Variants in NOX4 observed in about 807,000 individuals in gnomAD.
NOX4 encodes the protein NADPH oxidase 4.
NOX4 carries 69 observed loss-of-function variants against 87.6 expected under a neutral mutation model. The observed-to-expected ratio is 0.79, with a 90% CI of 0.65 to 0.96. The LOEUF is 0.96. Among genes scored for constraint, NOX4 ranks in the 40% least tolerant of loss-of-function variants. The probability of loss-of-function intolerance (pLI) is 0.00; values close to 1 mark genes in which losing one functional copy is unlikely to be tolerated. For missense variants in NOX4, 680 were observed against 681.5 expected (o/e 1.00, Z 0.02); for synonymous variants, 275 against 238.2 (o/e 1.15, Z -1.42).
chr11:89,396,685 C>T (rs1224408158), intron 11 of NOX4, among the ~76,000 whole-genome samples: 2 of 152,066 alleles, frequency 1.3e-5, no homozygotes, highest in Non-Finnish European at 2.9e-5. Flanking sequence ...TCTGATAAAA[C>T]AGACTTTAAA....
chr11:89,348,411 T>C (rs1565183837), intron 13 of NOX4, among the ~76,000 whole-genome samples: 1 of 148,458 alleles, frequency 6.7e-6, no homozygotes, highest in Admixed American at 6.9e-5. Flanking sequence ...TAAGACTCCA[T>C]CTCAAAAAAA....
the NOX4 span, among the ~76,000 whole-genome samples, chr11:89,540,381 G>A: frequency 6.6e-6 from 1 of 151,950 alleles, no homozygotes; most frequent in East Asian, 1.9e-4. Flanking sequence ...TTACAGCTAA[G>A]TAGTTTTTCA....
the NOX4 span, among the ~76,000 whole-genome samples, chr11:89,530,467 C>T: frequency 8.6e-5 from 13 of 151,300 alleles, no homozygotes; most frequent in East Asian, 9.7e-4. Context: ...CTCAGCCTCC[C>T]GAGTAGCTGG....
the NOX4 span, among the ~76,000 whole-genome samples, chr11:89,520,864 T>G: frequency 6.6e-6 from 1 of 152,168 alleles, no homozygotes; most frequent in African/African-American, 2.4e-5. Flanking sequence ...ACAAAATCAA[T>G]GTACAAAAAT....
At chr11:89,565,884 AT>A in the NOX4 span, among the ~76,000 whole-genome samples, 1 of 151,970 alleles carries the variant, frequency 6.6e-6, no homozygotes, top group Non-Finnish European at 1.5e-5. Context: ...ACATTAATTG[AT>A]TTTTCATTAT....
intron 3 of NOX4, among the ~76,000 whole-genome samples, chr11:89,450,635 A>G (rs1010034440): frequency 1.3e-5 from 2 of 151,846 alleles, no homozygotes; most frequent in African/African-American, 4.8e-5. Context: ...GGTTAGTTAC[A>G]TATGTATACA....
At position 89,369,744 on chromosome 11, in the gene NOX4, ATTTGTTTG is replaced by A. The variant is rs71893993; in HGVS notation, c.1135+3680_1135+3687del. Among the ~76,000 whole-genome samples, 366 of 150,072 alleles carry A rather than the reference ATTTGTTTG, an allele frequency of 2.4e-3. 3 individuals are homozygous for A. Among genetic ancestry groups the A allele is most frequent in the African/African-American group, 7.5e-3 (305 of 40,738 alleles). ...ATATCCAAATATGATTTATTTATTT[ATTTGTTTG>A]TTTGTTTGTTTGTTTATTTATTTAT... On this transcript the variant is annotated intron_variant, in intron 12 of 17. Transcript: ENST00000263317.
chr11:89,440,341 G>A lies in NOX4; in HGVS notation c.475+347C>T, dbSNP rs560007174. ...TTATTTTTATTTTTATTTTTTAGAC[G>A]GAGTCTTACTCTGTCACGCCCAGGC... On this transcript the variant is annotated intron_variant, in intron 6 of 17. Coordinates refer to ENST00000263317, the MANE Select transcript of NOX4 (RefSeq NM_016931.5). 5.9e-5 allele frequency among the ~76,000 whole-genome samples: 9 copies of A among 151,634 alleles called. No individual in the cohort carries two copies. The East Asian group carries it at 1.2e-3, about 20-fold the overall frequency.
the NOX4 span, among the ~76,000 whole-genome samples, chr11:89,579,474 A>T: frequency 6.6e-6 from 1 of 152,162 alleles, no homozygotes; most frequent in South Asian, 2.1e-4. Flanking sequence ...CTGCTTTAAA[A>T]AAAAAAGTCT....
intron 7 of NOX4, among the ~76,000 whole-genome samples, chr11:89,423,792 T>C (rs1943218546): frequency 6.6e-6 from 1 of 152,032 alleles, no homozygotes; most frequent in Non-Finnish European, 1.5e-5. Flanking sequence ...TGGTGGCTAA[T>C]GCCTGTAATC....
At chr11:89,395,091 A>C (rs1941383632) in intron 11 of NOX4, among the ~76,000 whole-genome samples, 1 of 152,150 alleles carries the variant, frequency 6.6e-6, no homozygotes, top group Admixed American at 6.6e-5. Flanking sequence ...GTCTCCCACA[A>C]TGGTTGAACT....
At position 89,487,571 on chromosome 11, in the gene NOX4, T is replaced by C. The variant is rs371186521; in HGVS notation, c.153+2887A>G. 1.2e-4 allele frequency among the ~76,000 whole-genome samples: 19 copies of C among 152,292 alleles called. 1 individual carries two copies. The highest frequency in any genetic ancestry group is 3.9e-4 in the Admixed American group (6 of 15,304). On this transcript the variant is annotated intron_variant, in intron 2 of 17. Transcript: ENST00000263317. ...TTGCATTTTAAATGGTACAATGAAA[T>C]ACATTTCCAGAAATAACATCATGAT... is the stretch of plus-strand genomic sequence containing the variant.
At chr11:89,577,716 C>T in the NOX4 span, 1 of 152,102 alleles carries the variant, frequency 6.6e-6, no homozygotes, top group African/African-American at 2.4e-5. Context: ...CTAGACGTCA[C>T]CAGCTATGTC....
At position 89,438,820 on chromosome 11, in the gene NOX4, ATATAATATCTTATATAT is replaced by A. The variant is rs1944273536; in HGVS notation, c.475+1851_475+1867del. On this transcript the variant is annotated intron_variant, in intron 6 of 17. Coordinates refer to ENST00000263317, the MANE Select transcript of NOX4 (RefSeq NM_016931.5). ...TAATATATTATATATTATATATATT[ATATAATATCTTATATAT>A]TATATATATTATATAATATATTATA... is the stretch of plus-strand genomic sequence containing the variant. Among the ~76,000 whole-genome samples, 30 of 48,498 alleles carry A rather than the reference ATATAATATCTTATATAT, an allele frequency of 6.2e-4. 1 individual carries two copies. The highest frequency in any genetic ancestry group is 4.2e-3 in the African/African-American group (20 of 4,738). 31.8% of individuals were successfully genotyped at this position (48,498 alleles called of 152,430 possible).
intron 6 of NOX4, among the ~76,000 whole-genome samples, chr11:89,437,704 C>G (rs1176025995): frequency 1.3e-5 from 2 of 152,050 alleles, no homozygotes; most frequent in African/African-American, 4.8e-5. Context: ...CTTCCCAACC[C>G]AAGAGAAGCT....
chr11:89,492,272 A>G (rs1281243399), upstream of NOX4: 4 of 152,316 alleles, frequency 2.6e-5, no homozygotes, highest in Admixed American at 6.5e-5. Flanking sequence ...ATTCATGTAG[A>G]AAAAAATCTG....
At chr11:89,355,129 A>C in intron 12 of NOX4, 86 bp from the exon 13 acceptor site, 1 of 994,990 alleles carries the variant, frequency 1.0e-6, no homozygotes, top group Non-Finnish European at 1.5e-6. Context: ...CTATTGGTTT[A>C]TTTTGTTAGA....
chr11:89,435,787 C>T (rs1944055559), intron 6 of NOX4, among the ~76,000 whole-genome samples: 1 of 152,120 alleles, frequency 6.6e-6, no homozygotes, highest in South Asian at 2.1e-4. Flanking sequence ...TCCAATCTCA[C>T]TGAATCTCAT....
intron 4 of NOX4, among the ~76,000 whole-genome samples, chr11:89,446,106 G>T (rs183488814): frequency 9.2e-5 from 14 of 152,144 alleles, no homozygotes; most frequent in African/African-American, 3.4e-4. Flanking sequence ...AAACAAGCAC[G>T]AAAAGATGAT....
Sources: allele counts gnomAD v4.1 joint callset (sites outside exome capture counted in the v4.1 genomes callset), GRCh38; gene constraint gnomAD v4.1.1; transcripts MANE v1.5; gene names NCBI Gene and HGNC (gene_info 2026-07-23, HGNC 2026-07-21).